The following AUH variants were observed in gnomAD, a reference collection of about 807,000 sequenced individuals.
AUH encodes the protein methylglutaconyl-CoA hydratase, mitochondrial.
A neutral mutation model predicts 42.3 loss-of-function variants in AUH; 29 were observed. The ratio of observed to expected loss-of-function variants is 0.69; its 90% confidence interval spans 0.51 to 0.93. The LOEUF (loss-of-function observed/expected upper bound fraction) is 0.93, where lower values mean the gene tolerates loss of function less well. AUH is among the 40% of genes least tolerant of loss of function. AUH has a pLI of 0.00. For missense variants in AUH, 452 were observed against 438.1 expected, an observed-to-expected ratio of 1.03 and a Z score of -0.28; for synonymous variants, 174 against 166.4, an observed-to-expected ratio of 1.05 and a Z score of -0.35.
intron 5 of AUH, among the ~76,000 whole-genome samples, chr9:91,297,739 C>T (rs913944954): frequency 6.6e-6 from 1 of 151,966 alleles, no homozygotes; most frequent in African/African-American, 2.4e-5. Context: ...ATTAGAGGTG[C>T]AAGCCACGCG....
chr9:91,336,907 C>T (rs1266576206), intron 3 of AUH, among the ~76,000 whole-genome samples: 1 of 152,144 alleles, frequency 6.6e-6, no homozygotes, highest in Non-Finnish European at 1.5e-5. Context: ...TTGCAATATA[C>T]TTTCATTTTT....
In AUH at chr9:91,213,868, A is replaced by G. The variant is rs1271663509; in HGVS notation, c.*480T>C. On this transcript the variant is annotated 3_prime_UTR_variant, in exon 10 of 10. Coordinates refer to ENST00000375731, the MANE Select transcript of AUH (RefSeq NM_001698.3). ...TTTATATTAGGTAGTTTTCACTCAGAATATCAATTCATTTTTCAGGTTTAG... is the reference window on the plus strand; with the variant it reads ...TTTATATTAGGTAGTTTTCACTCAGGATATCAATTCATTTTTCAGGTTTAG... The G allele has an allele frequency of 6.5e-6, 1 of 153,200 alleles. No individual in the cohort carries two copies. Among genetic ancestry groups the G allele is most frequent in the East Asian group, 1.9e-4 (1 of 5,218 alleles). 9.5% of individuals were successfully genotyped at this position (153,200 alleles called of 1,614,324 possible). A position where few individuals can be genotyped will look rare whatever the true frequency, so the allele number is the denominator to read the frequency against.
chr9:91,304,196 T>C lies in AUH; in HGVS notation c.506-6120A>G, dbSNP rs571541415. Among the ~76,000 whole-genome samples the C allele has an allele frequency of 1.1e-4, 16 of 152,346 alleles. No homozygotes were observed. The South Asian group carries it at 2.9e-3, about 28-fold the overall frequency. On this transcript the variant is annotated intron_variant, in intron 4 of 9. Transcript: ENST00000375731. Reference sequence around the variant, plus strand: ...GCAACATTCCTTACAGAAAGGGTCATTATACCAAGAACAAATTGCTGGAAG... The same window carrying C: ...GCAACATTCCTTACAGAAAGGGTCACTATACCAAGAACAAATTGCTGGAAG...
chr9:91,338,795 A>T (rs1830886489), intron 3 of AUH, among the ~76,000 whole-genome samples: 1 of 152,218 alleles, frequency 6.6e-6, no homozygotes, highest in South Asian at 2.1e-4. Flanking sequence ...ACAAATAGGT[A>T]TAGCCTTAAT....
intron 1 of AUH, chr9:91,357,603 G>GT (rs981551615): frequency 8.9e-5 from 60 of 673,082 alleles, no homozygotes; most frequent in Non-Finnish European, 1.1e-4. Context: ...TTTACAAGCT[G>GT]TAAGTGGTGC....
chr9:91,296,299 G>T (rs567758666), intron 5 of AUH, among the ~76,000 whole-genome samples: 8 of 151,984 alleles, frequency 5.3e-5, no homozygotes, highest in Admixed American at 2.0e-4. Flanking sequence ...AAAACTGCTT[G>T]GCAGTGAATT....
chr9:91,223,361 T>C (rs1044295775), intron 6 of AUH, among the ~76,000 whole-genome samples: 13 of 152,242 alleles, frequency 8.5e-5, no homozygotes, highest in Non-Finnish European at 1.3e-4. Flanking sequence ...CTTAGCGTAA[T>C]GTCCTCAAGA....
chr9:91,245,723 G>A (rs1159351919), intron 6 of AUH, among the ~76,000 whole-genome samples: 1 of 152,072 alleles, frequency 6.6e-6, no homozygotes, highest in Non-Finnish European at 1.5e-5. Context: ...CAGGATGTAG[G>A]GACTATCATC....
chr9:91,214,392 G>T lies in AUH; in HGVS notation c.976C>A (p.Leu326Ile), dbSNP rs1442697697. The change falls in exon 10 of 10, where the codon CTT becomes ATT. Residue 326 changes from leucine to isoleucine, a missense_variant. By Grantham distance (5) the Leu-to-Ile change is conservative (BLOSUM62 2). Coordinates refer to ENST00000375731, the MANE Select transcript of AUH (RefSeq NM_001698.3). ...GGGGGCCTTTTCTCTTTAAAAGCAA[G>T]AAGACCTTCAAGTCTGTCTTTTGTT... The part of the protein sequence containing the change: ...IPTKDRLEGL[L>I]AFKEKRPPRY... 6.2e-7 allele frequency: 1 copy of T among 1,610,326 alleles called. No homozygotes were observed.
intron 3 of AUH, among the ~76,000 whole-genome samples, chr9:91,335,455 T>A (rs1359297822): frequency 6.6e-6 from 1 of 152,240 alleles, no homozygotes; most frequent in Non-Finnish European, 1.5e-5. Context: ...TCACAATTAA[T>A]CTTGCCAAAA....
intron 5 of AUH, 37 bp from the exon 6 acceptor site, chr9:91,296,114 T>G (rs1323548730): frequency 1.3e-6 from 2 of 1,590,194 alleles, no homozygotes; most frequent in Non-Finnish European, 1.7e-6. Flanking sequence ...ATCATCCATA[T>G]CATCACATTC....
At chr9:91,300,586 C>G (rs1167266822) in intron 4 of AUH, among the ~76,000 whole-genome samples, 1 of 152,200 alleles carries the variant, frequency 6.6e-6, no homozygotes, top group African/African-American at 2.4e-5. Flanking sequence ...GTAGGGTAAT[C>G]TTTCTAAAAT....
At chr9:91,310,647 C>A (rs1054090035) in intron 4 of AUH, among the ~76,000 whole-genome samples, 4 of 152,184 alleles carry the variant, frequency 2.6e-5, no homozygotes, top group Admixed American at 2.6e-4. Flanking sequence ...ACAAAATAAA[C>A]CATCCTATGG....
chr9:91,260,115 C>T (rs1829632505), intron 6 of AUH, among the ~76,000 whole-genome samples: 1 of 151,970 alleles, frequency 6.6e-6, no homozygotes, highest in Non-Finnish European at 1.5e-5. Context: ...TATTTCTTGT[C>T]TTGAAGCCTA....
At chr9:91,337,300 G>A (rs115488804) in intron 3 of AUH, among the ~76,000 whole-genome samples, 1 of 152,138 alleles carries the variant, frequency 6.6e-6, no homozygotes, top group Non-Finnish European at 1.5e-5. Flanking sequence ...ATGCTTAAGA[G>A]GTATGAATAC....
intron 4 of AUH, among the ~76,000 whole-genome samples, chr9:91,324,400 G>A (rs971657197): frequency 6.6e-6 from 1 of 151,916 alleles, no homozygotes; most frequent in East Asian, 1.9e-4. Flanking sequence ...CCACTTAGGA[G>A]GCTGAGGCAG....
chr9:91,349,350 T>G (rs1339116380), intron 3 of AUH, among the ~76,000 whole-genome samples: 1 of 152,254 alleles, frequency 6.6e-6, no homozygotes, highest in Non-Finnish European at 1.5e-5. Flanking sequence ...TTACCAAGAA[T>G]TGTTTATCAT....
chr9:91,276,045 C>A (rs959897317), intron 6 of AUH, among the ~76,000 whole-genome samples: 2 of 152,012 alleles, frequency 1.3e-5, no homozygotes, highest in Non-Finnish European at 2.9e-5. Context: ...AAAGTAATAA[C>A]CAGAGCCAAT....
intron 3 of AUH, among the ~76,000 whole-genome samples, chr9:91,346,415 G>A (rs1050167201): frequency 1.6e-4 from 25 of 152,302 alleles, no homozygotes; most frequent in African/African-American, 6.0e-4. Flanking sequence ...CACACCTGGA[G>A]AGGGTATGGA....
Sources: gnomAD v4.1 joint callset for allele counts (sites outside exome capture counted in the v4.1 genomes callset) on GRCh38, gnomAD v4.1.1 for gene constraint, MANE v1.5 for transcripts, NCBI Gene and HGNC (gene_info 2026-07-23, HGNC 2026-07-21) for gene names.